Variants in ARMC12 observed in about 807,000 individuals in gnomAD.
The protein encoded by ARMC12 is armadillo repeat containing 12, also known as armadillo repeat-containing protein 12.
A neutral mutation model predicts 37.4 loss-of-function variants in ARMC12; 25 were observed. The observed-to-expected ratio is 0.67, with a 90% confidence interval of 0.49 to 0.93. The LOEUF (loss-of-function observed/expected upper bound fraction) is 0.93, where lower values mean the gene tolerates loss of function less well. Ranked by LOEUF, ARMC12 falls within the 40% of genes least tolerant of loss-of-function variation. The probability of loss-of-function intolerance (pLI) is 0.00; values close to 1 mark genes in which losing one functional copy is unlikely to be tolerated. For missense variants in ARMC12, 384 were observed against 426.6 expected, an observed-to-expected ratio of 0.90 and a Z score of 0.88; for synonymous variants, 167 against 176.1, an observed-to-expected ratio of 0.95 and a Z score of 0.41.
chr6:35,735,768 C>G (rs2151032795), upstream of ARMC12: 1 of 152,274 alleles, frequency 6.6e-6, no homozygotes, highest in East Asian at 1.9e-4. The surrounding 1 kb of genome is among the most constrained non-coding windows in gnomAD (Gnocchi z 4.0). Flanking sequence ...CTCACCTGCC[C>G]CATCCTAGTG....
chr6:35,743,773 G>A (rs1030592334), intron 3 of ARMC12, among the ~76,000 whole-genome samples: 4 of 151,712 alleles, frequency 2.6e-5, no homozygotes, highest in African/African-American at 9.7e-5. Context: ...AGGAGTCTGG[G>A]TGGGGGTGAT....
Position 35,737,159 on chromosome 6 carries a change from C to T in ARMC12, c.51C>T (p.Ser17=), listed in dbSNP as rs754071084. ...QYLGQLDIRK[S]VVSLATGAGA... ...TGGGGCAACTGGACATCCGCAAAAG[C>T]GTAGTCAGCCTGGCCACAGGCGCCG... The change falls in exon 1 of 6, where the codon AGC becomes AGT. Residue 17 remains serine, a synonymous_variant. Transcript: ENST00000373866. The T allele has an allele frequency of 5.0e-6, 8 of 1,614,100 alleles. No homozygotes were observed. The highest frequency in any genetic ancestry group is 4.0e-5 in the African/African-American group (3 of 74,948).
chr6:35,736,484 G>T (rs188935503), upstream of ARMC12, among the ~76,000 whole-genome samples: 3 of 152,358 alleles, frequency 2.0e-5, no homozygotes, highest in African/African-American at 7.2e-5. Context: ...TGGTGGAAAG[G>T]CAGCCTCTGG....
In ARMC12 at chr6:35,745,343, G is replaced by A. The variant is rs542877393; in HGVS notation, c.445-1918G>A. 8.5e-5 allele frequency among the ~76,000 whole-genome samples: 13 copies of A among 152,304 alleles called. No individual in the cohort carries two copies. The South Asian group carries it at 2.1e-3, about 24-fold the overall frequency. ...AACAACTTGGATGGTTCTCAAGGGCGTTATGCTGAGTGAAAAAAGCCGATC... is the reference window on the plus strand; with the variant it reads ...AACAACTTGGATGGTTCTCAAGGGCATTATGCTGAGTGAAAAAAGCCGATC... On this transcript the variant is annotated intron_variant, in intron 3 of 5. Transcript: ENST00000373866.
upstream of ARMC12, among the ~76,000 whole-genome samples, chr6:35,732,963 T>C (rs1031019035): frequency 3.3e-5 from 5 of 152,134 alleles, no homozygotes; most frequent in African/African-American, 9.7e-5. Flanking sequence ...CACCTGAGTG[T>C]AGGAGTTCGA....
upstream of ARMC12, among the ~76,000 whole-genome samples, chr6:35,733,340 G>C (rs895419138): frequency 6.6e-6 from 1 of 152,206 alleles, no homozygotes; most frequent in Non-Finnish European, 1.5e-5. Flanking sequence ...TGAAACCTGC[G>C]GAGATAATTA....
chr6:35,735,203 A>G (rs905895116), upstream of ARMC12: 1 of 152,350 alleles, frequency 6.6e-6, no homozygotes, highest in Non-Finnish European at 1.5e-5. The surrounding 1 kb of genome is among the most constrained non-coding windows in gnomAD (Gnocchi z 4.0). Context: ...TCTCAGATCC[A>G]CCAAAGTAGC....
chr6:35,741,927 G>C (rs545929944), intron 3 of ARMC12, among the ~76,000 whole-genome samples: 1 of 152,132 alleles, frequency 6.6e-6, no homozygotes, highest in East Asian at 1.9e-4. Context: ...GTACGATCTT[G>C]GCTTACTGCA....
chr6:35,741,852 CA>C (rs1767177707), intron 3 of ARMC12, among the ~76,000 whole-genome samples: 1 of 151,952 alleles, frequency 6.6e-6, no homozygotes, highest in African/African-American at 2.4e-5. Flanking sequence ...GAGAAACAAA[CA>C]GAAAAAAATA....
rs765246879 is a variant in ARMC12, at chr6:35,737,062, G to A, written c.-47G>A. The A allele has an allele frequency of 2.4e-5, 38 of 1,603,724 alleles. No homozygotes were observed. Among genetic ancestry groups the A allele is most frequent in the Middle Eastern group, 1.7e-4 (1 of 5,812 alleles). On this transcript the variant is annotated 5_prime_UTR_variant, in exon 1 of 6. It adds an upstream start codon to the 5' untranslated region. Transcript: ENST00000373866. ...TCTGGTTCCGGAAGGCCCCCCACAG[G>A]TGCCTTGGGCCTAGCTCTCACCTGG... is the stretch of plus-strand genomic sequence containing the variant.
rs572856258 is a variant in ARMC12, at chr6:35,737,325, G to A, written c.163+54G>A. 3.2e-5 allele frequency: 52 copies of A among 1,614,204 alleles called. 1 individual carries two copies. In the South Asian group the frequency reaches 3.4e-4, roughly 11 times the overall value. ...TCTGCCCCAGGAGGCACCTGCTCCC[G>A]AGGCCTCTGCTGTGGGAGGGCCCAA... On this transcript the variant is annotated intron_variant, in intron 1 of 5. Coordinates refer to ENST00000373866, the MANE Select transcript of ARMC12 (RefSeq NM_001286574.2).
upstream of ARMC12, among the ~76,000 whole-genome samples, chr6:35,732,986 C>T (rs1049469061): frequency 6.6e-6 from 1 of 152,108 alleles, no homozygotes; most frequent in African/African-American, 2.4e-5. Flanking sequence ...CCAGCCTGGC[C>T]GAAATCGTGA....
In ARMC12 at chr6:35,745,816, T is replaced by C. The variant is rs148503371; in HGVS notation, c.445-1445T>C. 6.1e-4 allele frequency among the ~76,000 whole-genome samples: 93 copies of C among 152,238 alleles called. 1 individual carries two copies. The East Asian group carries it at 0.017, about 28-fold the overall frequency. On this transcript the variant is annotated intron_variant, in intron 3 of 5. Transcript: ENST00000373866. ...AACCCAGCACTTTGGGAGGCCGAAG[T>C]GGGCATATTACCTAAGGTCAGGAGT...
At position 35,749,045 on chromosome 6, in the gene ARMC12, GGGGGACTAGC is replaced by G. The variant is rs1767428520; in HGVS notation, c.*176_*185del. ...AAAACACATCCCCACTTCTATGTTT[GGGGGACTAGC>G]TCCCCTCTTCTCTTGCTGCTTTTCT... On this transcript the variant is annotated 3_prime_UTR_variant, in exon 6 of 6. Coordinates refer to ENST00000373866, the MANE Select transcript of ARMC12 (RefSeq NM_001286574.2). 1 of 593,346 alleles carries G rather than the reference GGGGGACTAGC, an allele frequency of 1.7e-6. No homozygotes were observed. Among genetic ancestry groups the G allele is most frequent in the Non-Finnish European group, 2.8e-6 (1 of 361,436 alleles). The allele number at this position is 593,346 out of a possible 1,614,324, so 36.8% of individuals were successfully genotyped here.
At chr6:35,743,352 G>A (rs1767235669) in intron 3 of ARMC12, among the ~76,000 whole-genome samples, 1 of 152,080 alleles carries the variant, frequency 6.6e-6, no homozygotes, top group African/African-American at 2.4e-5. Context: ...GAGTAGCTGG[G>A]ATTACAGGCA....
intron 3 of ARMC12, 76 bp downstream of exon 3, chr6:35,738,594 G>A: frequency 6.5e-7 from 1 of 1,544,766 alleles, no homozygotes; most frequent in Non-Finnish European, 8.8e-7. Flanking sequence ...TAGGATAAAT[G>A]GTCATGTTCC....
intron 3 of ARMC12, among the ~76,000 whole-genome samples, chr6:35,739,684 A>G (rs1767106797): frequency 6.6e-6 from 1 of 152,192 alleles, no homozygotes; most frequent in Non-Finnish European, 1.5e-5. Flanking sequence ...CAGCCTTTGT[A>G]TAAGGGCACT....
the ARMC12 span, among the ~76,000 whole-genome samples, chr6:35,731,819 G>C: frequency 6.6e-6 from 1 of 152,168 alleles, no homozygotes; most frequent in Non-Finnish European, 1.5e-5. Flanking sequence ...GCCCAGGCCC[G>C]CCCCTTCCCG....
chr6:35,738,821 T>C (rs1375634451), intron 3 of ARMC12, among the ~76,000 whole-genome samples: 1 of 151,998 alleles, frequency 6.6e-6, no homozygotes, highest in Non-Finnish European at 1.5e-5. Context: ...ACTGGCTGGG[T>C]GTTCAACAAT....
Sources: allele counts gnomAD v4.1 joint callset (sites outside exome capture counted in the v4.1 genomes callset), GRCh38; gene constraint gnomAD v4.1.1; non-coding constraint Gnocchi (gnomAD v3.1); transcripts MANE v1.5; gene names NCBI Gene and HGNC (gene_info 2026-07-23, HGNC 2026-07-21).